Variants in TNFAIP2 observed in about 807,000 individuals in gnomAD.
The protein encoded by TNFAIP2 is TNF alpha induced protein 2.
In TNFAIP2, 47 loss-of-function variants were observed where a neutral mutation model predicts 63.5. That is an observed-to-expected ratio of 0.74 (90% CI 0.59 to 0.94). The LOEUF (loss-of-function observed/expected upper bound fraction) is 0.94, where lower values mean the gene tolerates loss of function less well. Among genes scored for constraint, TNFAIP2 ranks in the 40% least tolerant of loss-of-function variants. TNFAIP2 has a pLI of 0.00. For synonymous variants in TNFAIP2, 405 were observed against 390.2 expected (o/e 1.04, Z -0.45); for missense variants, 787 against 850.2 (o/e 0.93, Z 0.92).
At chr14:103,130,622 T>C (rs1173828718) in intron 6 of TNFAIP2, among the ~76,000 whole-genome samples, 1 of 152,160 alleles carries the variant, frequency 6.6e-6, no homozygotes, top group Non-Finnish European at 1.5e-5. Context: ...TGGGAGCCTC[T>C]TGCGCCCACC....
At chr14:103,129,640 C>A in intron 3 of TNFAIP2, 100 bp from the exon 4 acceptor site, 1 of 1,074,364 alleles carries the variant, frequency 9.3e-7, no homozygotes, top group Non-Finnish European at 1.4e-6. Flanking sequence ...GCTGGGCAGT[C>A]TGGGCCTGCC....
At chr14:103,130,526 C>A in intron 6 of TNFAIP2, 111 bp downstream of exon 6, 1 of 1,009,056 alleles carries the variant, frequency 9.9e-7, no homozygotes, top group East Asian at 2.6e-5. Context: ...CTACCCCTGT[C>A]CCTGTCATTC....
chr14:103,124,818 G>A (rs960405102), intron 1 of TNFAIP2, among the ~76,000 whole-genome samples: 4 of 152,352 alleles, frequency 2.6e-5, no homozygotes, highest in African/African-American at 9.6e-5. Flanking sequence ...AACCCAAATG[G>A]CACTAGGGAG....
At chr14:103,126,277 G>A in intron 1 of TNFAIP2, 33 bp from the exon 2 acceptor site, 1 of 570,532 alleles carries the variant, frequency 1.8e-6, no homozygotes, top group Non-Finnish European at 3.2e-6. Context: ...CCGGTCCATG[G>A]TGACCACTGA....
intron 8 of TNFAIP2, 33 bp from the exon 9 acceptor site, chr14:103,132,717 G>T (rs776111074): frequency 1.2e-6 from 2 of 1,603,652 alleles, no homozygotes; most frequent in Admixed American, 3.4e-5. Context: ...CCTCTCCAGG[G>T]CGTGACTAGA....
intron 3 of TNFAIP2, among the ~76,000 whole-genome samples, chr14:103,129,023 C>A (rs2087916394): frequency 6.6e-6 from 1 of 152,214 alleles, no homozygotes; most frequent in South Asian, 2.1e-4. Flanking sequence ...CATTTGTAAA[C>A]CTCTAGGCAG....
In TNFAIP2 at chr14:103,135,776, A is replaced by G. The variant is rs1358471836; in HGVS notation, c.*416A>G. ...GGGCCCTCTTCAGCTCTCTGGAGAC[A>G]GGGGCCGAGCCTCACCCATCTGCCC... On this transcript the variant is annotated 3_prime_UTR_variant, in exon 12 of 12. Transcript: ENST00000560869. This position sits in a 1 kb window ranked among gnomAD's most constrained non-coding sequence, Gnocchi z 7.6. 1.6e-6 allele frequency: 2 copies of G among 1,288,848 alleles called. No individual in the cohort carries two copies. Among genetic ancestry groups the G allele is most frequent in the Non-Finnish European group, 2.0e-6 (2 of 990,424 alleles). 79.8% of individuals were successfully genotyped at this position (1,288,848 alleles called of 1,614,324 possible).
At chr14:103,130,585 T>C (rs1362211124) in intron 6 of TNFAIP2, among the ~76,000 whole-genome samples, 170 bp downstream of exon 6, 1 of 152,148 alleles carries the variant, frequency 6.6e-6, no homozygotes. Context: ...GAGCCTCAGG[T>C]GGTCTGACCT....
rs1432905430 is a variant in TNFAIP2, at chr14:103,131,349, G to T, written c.1298+199G>T. ...GGCTGGGGCAAGCACACAGGCAGAT[G>T]TTTCACCCATTATCTTATCCTTAAA... On this transcript the variant is annotated intron_variant, in intron 7 of 11. Transcript: ENST00000560869. This position sits in a 1 kb window ranked among gnomAD's most constrained non-coding sequence, Gnocchi z 4.0. Among the ~76,000 whole-genome samples, 1 of 152,226 alleles carries T rather than the reference G, an allele frequency of 6.6e-6. No individual in the cohort carries two copies. The highest frequency in any genetic ancestry group is 2.4e-5 in the African/African-American group (1 of 41,446).
upstream of TNFAIP2, chr14:103,123,451 G>T (rs1595271259): frequency 6.6e-6 from 1 of 151,934 alleles, no homozygotes; most frequent in Non-Finnish European, 1.5e-5. Flanking sequence ...TGCGGAACCC[G>T]GGCCAGGACA....
At position 103,135,252 on chromosome 14, in the gene TNFAIP2, G is replaced by T; in HGVS notation, c.1857G>T (p.Lys619Asn). Residue 619 changes from lysine (K) to asparagine (N), a missense_variant, in exon 12 of 12, where the codon AAG (lysine) becomes AAT (asparagine). Physicochemically the swap from Lys to Asn is moderately conservative, Grantham distance 94. Coordinates refer to ENST00000560869, the MANE Select transcript of TNFAIP2 (RefSeq NM_006291.4). The surrounding 1 kb of genome is among the most constrained non-coding windows in gnomAD (Gnocchi z 7.6). ...KGHLSAILAI[K>N]GNLSNSEVKR... ...ACCTGAGCGCTATCCTGGCCATCAAGGGGAACCTATCCAACAGTGAGGTCA... is the reference window on the plus strand; with the variant it reads ...ACCTGAGCGCTATCCTGGCCATCAATGGGAACCTATCCAACAGTGAGGTCA... 1.9e-6 allele frequency: 3 copies of T among 1,614,000 alleles called. No homozygotes were observed. The highest frequency in any genetic ancestry group is 2.5e-6 in the Non-Finnish European group (3 of 1,180,006).
Position 103,127,027 on chromosome 14 carries a change from G to T in TNFAIP2, c.258G>T (p.Leu86=). The part of the protein sequence containing the change: ...PPTVEELKAA[L]ERGQLEAARP... ...CAGTGGAGGAGCTGAAGGCGGCGCT[G>T]GAGCGCGGGCAGCTGGAGGCGGCGC... The change falls in exon 3 of 12, where the codon CTG becomes CTT. Residue 86 remains leucine, a synonymous_variant. Transcript: ENST00000560869. The surrounding 1 kb of genome is among the most constrained non-coding windows in gnomAD (Gnocchi z 5.1). The T allele has an allele frequency of 8.5e-7, 1 of 1,178,700 alleles. No individual in the cohort carries two copies. Among genetic ancestry groups the T allele is most frequent in the Non-Finnish European group, 1.1e-6 (1 of 951,670 alleles). 73.0% of individuals were successfully genotyped at this position (1,178,700 alleles called of 1,614,324 possible). A position where few individuals can be genotyped will look rare whatever the true frequency, so the allele number is the denominator to read the frequency against.
rs11358000 is a variant in TNFAIP2, at chr14:103,136,520, C to CTT, written c.*1177_*1178dup. 5.8e-5 allele frequency: 7 copies of CTT among 120,910 alleles called. No homozygotes were observed. Among genetic ancestry groups the CTT allele is most frequent in the Admixed American group, 7.9e-5 (1 of 12,666 alleles). 7.5% of individuals were successfully genotyped at this position (120,910 alleles called of 1,614,324 possible). A position where few individuals can be genotyped will look rare whatever the true frequency, so the allele number is the denominator to read the frequency against. ...TCCCCTCTCCTGCCTCCCTCCACCA[C>CTT]TTTTTTTTTTTTTTTTTTGAGACAG... On this transcript the variant is annotated 3_prime_UTR_variant, in exon 12 of 12. Transcript: ENST00000560869.
At position 103,133,027 on chromosome 14, in the gene TNFAIP2, AAC is replaced by A. The variant is rs537503195; in HGVS notation, c.1545+160_1545+161del. 2.6e-4 allele frequency among the ~76,000 whole-genome samples: 39 copies of A among 152,320 alleles called. No homozygotes were observed. In the South Asian group the frequency reaches 4.3e-3, roughly 17 times the overall value. ...GAGCATGTGAACACGTGCACATGTG[AAC>A]ACACGTGAAGGCACGAACATGTGAA... On this transcript the variant is annotated intron_variant, in intron 9 of 11. Transcript: ENST00000560869.
rs1200270215 is a variant in TNFAIP2 at position 103,136,205 on chromosome 14, C to T, written c.*845C>T. On this transcript the variant is annotated 3_prime_UTR_variant, in exon 12 of 12. Coordinates refer to ENST00000560869, the MANE Select transcript of TNFAIP2 (RefSeq NM_006291.4). ...CTGGGCAGGGGCAGGGCAAGCTTGA[C>T]CTCTCACTGTTGACCCTTTGGCCTC... is the stretch of plus-strand genomic sequence containing the variant. 5 of 353,074 alleles carry T rather than the reference C, an allele frequency of 1.4e-5. No individual in the cohort carries two copies. The East Asian group carries it at 3.3e-4, about 24-fold the overall frequency. 21.9% of individuals were successfully genotyped at this position (353,074 alleles called of 1,614,324 possible).
chr14:103,135,133 C>T lies in TNFAIP2; in HGVS notation c.1824-86C>T. ...CGTGGGCCGGGCGTTGGCTGTCGGG[C>T]CCTGTGGCACTGGCCGGGAGTGCAG... On this transcript the variant is annotated intron_variant, in intron 11 of 11. Coordinates refer to ENST00000560869, the MANE Select transcript of TNFAIP2 (RefSeq NM_006291.4). The surrounding 1 kb of genome is among the most constrained non-coding windows in gnomAD (Gnocchi z 7.6). 6 of 1,571,108 alleles carry T rather than the reference C, an allele frequency of 3.8e-6. No individual in the cohort carries two copies. The South Asian group carries it at 6.7e-5, about 17-fold the overall frequency.
At chr14:103,133,110 A>G (rs1457719995) in intron 9 of TNFAIP2, among the ~76,000 whole-genome samples, 1 of 152,096 alleles carries the variant, frequency 6.6e-6, no homozygotes, top group Non-Finnish European at 1.5e-5. Flanking sequence ...ACACATGCAC[A>G]CATATGAACA....
In TNFAIP2 at chr14:103,127,673, C is replaced by T. The variant is rs1378117434; in HGVS notation, c.860+44C>T. On this transcript the variant is annotated intron_variant, in intron 3 of 11. Transcript: ENST00000560869. This position sits in a 1 kb window ranked among gnomAD's most constrained non-coding sequence, Gnocchi z 5.1. ...GGGCCCGGGCCGGCAGGGAGGGTGT[C>T]CTCTGTAGGAGGGGTGTCGAGGGGT... 1.4e-6 allele frequency: 2 copies of T among 1,430,578 alleles called. No individual in the cohort carries two copies. The highest frequency in any genetic ancestry group is 9.2e-7 in the Non-Finnish European group (1 of 1,091,916). 88.6% of individuals were successfully genotyped at this position (1,430,578 alleles called of 1,614,324 possible).
intron 8 of TNFAIP2, 27 bp from the exon 9 acceptor site, chr14:103,132,723 C>T (rs756972151): frequency 5.6e-6 from 9 of 1,606,754 alleles, no homozygotes; most frequent in Non-Finnish European, 7.6e-6. Flanking sequence ...CAGGGCGTGA[C>T]TAGACATCCT....
Sources: allele counts gnomAD v4.1 joint callset (sites outside exome capture counted in the v4.1 genomes callset), GRCh38; gene constraint gnomAD v4.1.1; non-coding constraint Gnocchi (gnomAD v3.1); transcripts MANE v1.5; gene names NCBI Gene and HGNC (gene_info 2026-07-23, HGNC 2026-07-21).